RSPO2: variants seen among roughly 807,000 people sequenced by gnomAD.
RSPO2 encodes R-spondin-2.
A neutral mutation model predicts 30.9 loss-of-function variants in RSPO2; 14 were observed. The ratio of observed to expected loss-of-function variants is 0.45; its 90% CI spans 0.30 to 0.71. The LOEUF is 0.71. Among genes scored for constraint, RSPO2 ranks in the 30% least tolerant of loss-of-function variants. RSPO2 has a pLI of 0.08. For missense variants in RSPO2, 264 were observed against 301.9 expected, an observed-to-expected ratio of 0.87 and a Z score of 0.93; for synonymous variants, 107 against 96.4, an observed-to-expected ratio of 1.11 and a Z score of -0.64.
chr8:108,066,263 T>TA (rs1361219553), intron 2 of RSPO2, among the ~76,000 whole-genome samples: 1 of 152,138 alleles, frequency 6.6e-6, no homozygotes, highest in Non-Finnish European at 1.5e-5. Flanking sequence ...AGAGAGTGTT[T>TA]AAAGTAGCAG....
chr8:107,942,933 A>C (rs1812944885), intron 5 of RSPO2, among the ~76,000 whole-genome samples: 1 of 152,216 alleles, frequency 6.6e-6, no homozygotes, highest in Non-Finnish European at 1.5e-5. Context: ...AATTTTCTCA[A>C]TATGGAAAAT....
intron 2 of RSPO2, chr8:108,081,985 G>A (rs1283996403): frequency 1.0e-6 from 1 of 954,028 alleles, no homozygotes; most frequent in Non-Finnish European, 1.2e-6. Flanking sequence ...TTCTGGAAAG[G>A]GAGGTCCTCC....
At chr8:107,919,019 C>T (rs185581000) in intron 5 of RSPO2, among the ~76,000 whole-genome samples, 10 of 152,122 alleles carry the variant, frequency 6.6e-5, no homozygotes, top group East Asian at 1.9e-4. Context: ...TTACCCTAGT[C>T]GGTATTAAAA....
intron 2 of RSPO2, among the ~76,000 whole-genome samples, chr8:108,031,474 T>C (rs1811420066): frequency 6.6e-6 from 1 of 152,200 alleles, no homozygotes; most frequent in African/African-American, 2.4e-5. Flanking sequence ...ACTCACAAAG[T>C]AGACTGTCAA....
chr8:108,038,252 G>A (rs183921086), intron 2 of RSPO2, among the ~76,000 whole-genome samples: 99 of 152,230 alleles, frequency 6.5e-4, no homozygotes, highest in Non-Finnish European at 1.1e-3. Context: ...TTGCAGACAT[G>A]GTAGAAATGG....
intron 3 of RSPO2, among the ~76,000 whole-genome samples, chr8:107,965,064 C>T (rs182958297): frequency 4.1e-4 from 63 of 152,200 alleles, no homozygotes; most frequent in Admixed American, 4.1e-3. Flanking sequence ...GATTGTTAAA[C>T]CTTAGAAAAC....
intron 5 of RSPO2, among the ~76,000 whole-genome samples, chr8:107,934,767 C>T (rs537241694): frequency 5.3e-5 from 8 of 152,238 alleles, no homozygotes; most frequent in South Asian, 2.1e-4. Context: ...TTTATTAGTT[C>T]CCCAAATTAA....
chr8:108,053,630 G>C (rs1191722359), intron 2 of RSPO2, among the ~76,000 whole-genome samples: 1 of 151,920 alleles, frequency 6.6e-6, no homozygotes, highest in South Asian at 2.1e-4. Context: ...AGAAATAAAG[G>C]GAAGAAATTT....
chr8:107,961,259 T>A (rs114168861), intron 3 of RSPO2, among the ~76,000 whole-genome samples: 1 of 152,200 alleles, frequency 6.6e-6, no homozygotes, highest in African/African-American at 2.4e-5. Context: ...TGTTTTAAAA[T>A]GCATGGTCTA....
chr8:108,013,278 T>C (rs1185322325), intron 2 of RSPO2, among the ~76,000 whole-genome samples: 1 of 152,240 alleles, frequency 6.6e-6, no homozygotes, highest in Non-Finnish European at 1.5e-5. Context: ...TTGGTTTTTG[T>C]ACTCACCCTT....
At chr8:108,029,689 C>A (rs1340156409) in intron 2 of RSPO2, among the ~76,000 whole-genome samples, 2 of 152,134 alleles carry the variant, frequency 1.3e-5, no homozygotes, top group Non-Finnish European at 2.9e-5. Context: ...AAAAGATGCA[C>A]CAAACATTTT....
intron 5 of RSPO2, among the ~76,000 whole-genome samples, chr8:107,908,633 C>A (rs4734165): frequency 0.22 from 33,822 of 151,888 alleles, 4,186 homozygotes; most frequent in Middle Eastern, 0.37. Flanking sequence ...TTTGTTGAAC[C>A]CCCATTGGAG....
chr8:107,946,414 G>C (rs1160359975), intron 5 of RSPO2, among the ~76,000 whole-genome samples: 1 of 152,162 alleles, frequency 6.6e-6, no homozygotes, highest in African/African-American at 2.4e-5. Context: ...CAGGAGAAAT[G>C]AGGTTTTGCA....
intron 2 of RSPO2, 139 bp downstream of exon 2, chr8:108,082,406 G>A (rs940266581): frequency 4.7e-6 from 3 of 641,988 alleles, no homozygotes; most frequent in African/African-American, 3.6e-5. Context: ...GGTCCTAAAG[G>A]TGGGGACTGG....
chr8:107,974,096 T>C (rs1201871499), intron 3 of RSPO2, among the ~76,000 whole-genome samples: 1 of 152,012 alleles, frequency 6.6e-6, no homozygotes, highest in Non-Finnish European at 1.5e-5. Context: ...CCTACAGGGG[T>C]GCCAACTTCA....
At chr8:108,000,870 T>C (rs6993272) in intron 2 of RSPO2, among the ~76,000 whole-genome samples, 37,162 of 151,488 alleles carry the variant, frequency 0.25, 4,840 homozygotes, top group African/African-American at 0.29. Flanking sequence ...GGTGTGGTGG[T>C]GGGCGCCTGT....
rs890130425 is a variant in RSPO2, at chr8:108,010,262, G to A, written c.95-21018C>T. 1.3e-5 allele frequency among the ~76,000 whole-genome samples: 2 copies of A among 152,262 alleles called. 1 individual carries two copies. The highest frequency in any genetic ancestry group is 1.3e-4 in the Admixed American group (2 of 15,290). On this transcript the variant is annotated intron_variant, in intron 2 of 5. Transcript: ENST00000276659. ...GAAGAAAACACTGAGTTTTGGTTGA[G>A]TGGGTGTCTACAAAGGTACATGTGC... is the stretch of plus-strand genomic sequence containing the variant.
At position 108,010,994 on chromosome 8, in the gene RSPO2, A is replaced by G. The variant is rs186337475; in HGVS notation, c.95-21750T>C. Among the ~76,000 whole-genome samples the G allele has an allele frequency of 1.7e-3, 266 of 152,062 alleles. 9 individuals are homozygous for G. In the East Asian group the frequency reaches 0.042, roughly 24 times the overall value. On this transcript the variant is annotated intron_variant, in intron 2 of 5. Transcript: ENST00000276659. ...CAAAAAAATTTTAAATTAGTGGGGC[A>G]TGGTAGTGCACATCTATAGTCCCAG...
intron 2 of RSPO2, among the ~76,000 whole-genome samples, chr8:108,017,377 C>T (rs1413957966): frequency 6.6e-6 from 1 of 152,036 alleles, no homozygotes. Context: ...AATATAAATG[C>T]CAACTATTCA....
Sources: gnomAD v4.1 joint callset for allele counts (sites outside exome capture counted in the v4.1 genomes callset) on GRCh38, gnomAD v4.1.1 for gene constraint, MANE v1.5 for transcripts, NCBI Gene and HGNC (gene_info 2026-07-23, HGNC 2026-07-21) for gene names.